The following TBK1 variants were observed in gnomAD, a reference collection of about 807,000 sequenced individuals.
TBK1 encodes serine/threonine-protein kinase TBK1.
TBK1 carries 37 observed loss-of-function variants against 99.9 expected under a neutral mutation model. The ratio of observed to expected loss-of-function variants is 0.37; its 90% CI spans 0.28 to 0.49. The LOEUF is 0.49. Ranked by LOEUF, TBK1 falls within the 20% of genes least tolerant of loss-of-function variation. The probability of loss-of-function intolerance (pLI) is 0.98; values close to 1 mark genes in which losing one functional copy is unlikely to be tolerated. For missense variants in TBK1, 644 were observed against 872.5 expected (o/e 0.74, Z 3.30); for synonymous variants, 258 against 279.8 (o/e 0.92, Z 0.78).
At chr12:64,478,642 C>G (rs2040738215) in intron 6 of TBK1, among the ~76,000 whole-genome samples, 1 of 152,256 alleles carries the variant, frequency 6.6e-6, no homozygotes, top group South Asian at 2.1e-4. Flanking sequence ...TGTTTTCCAG[C>G]AAGGACAGTG....
intron 7 of TBK1, among the ~76,000 whole-genome samples, chr12:64,480,997 T>C (rs770172895): frequency 3.2e-4 from 49 of 152,178 alleles, no homozygotes; most frequent in Non-Finnish European, 5.1e-4. Context: ...GTTCCAATGC[T>C]GAAATCATTT....
chr12:64,475,851 A>G (rs1243652616), intron 6 of TBK1, among the ~76,000 whole-genome samples: 1 of 152,078 alleles, frequency 6.6e-6, no homozygotes, highest in Non-Finnish European at 1.5e-5. Context: ...TTTAGGTAGG[A>G]TGATTTATTT....
At chr12:64,462,794 G>A (rs2040560502) in intron 3 of TBK1, among the ~76,000 whole-genome samples, 1 of 152,124 alleles carries the variant, frequency 6.6e-6, no homozygotes, top group South Asian at 2.1e-4. Flanking sequence ...TATAATCATT[G>A]TGTATATATA....
intron 20 of TBK1, among the ~76,000 whole-genome samples, chr12:64,499,800 C>T (rs1283533590): frequency 2.1e-5 from 3 of 143,904 alleles, no homozygotes; most frequent in Non-Finnish European, 3.0e-5. Flanking sequence ...CGAGTTCAAG[C>T]GTTTCTCCTG....
rs764877969 is a variant in TBK1 at position 64,484,535 on chromosome 12, A to C, written c.1189+36A>C. 3 of 1,566,846 alleles carry C rather than the reference A, an allele frequency of 1.9e-6. No individual in the cohort carries two copies. The African/African-American group carries it at 4.1e-5, about 22-fold the overall frequency. ...ATTTTTCTTGTCGTTCTTACTAGCC[A>C]TTAGAAAAATACAGCCAGCCTGGGC... On this transcript the variant is annotated intron_variant, in intron 9 of 20. Transcript: ENST00000331710.
At chr12:64,483,662 T>C (rs184598363) in intron 8 of TBK1, among the ~76,000 whole-genome samples, 2 of 152,284 alleles carry the variant, frequency 1.3e-5, no homozygotes, top group Admixed American at 1.3e-4. Flanking sequence ...TGTATCTGAT[T>C]CAAGTCAGTG....
chr12:64,500,245 A>G (rs991301082), intron 20 of TBK1, among the ~76,000 whole-genome samples: 2 of 152,020 alleles, frequency 1.3e-5, no homozygotes, highest in Non-Finnish European at 2.9e-5. Context: ...TATCACTTCA[A>G]ATTTTTTTTT....
At chr12:64,457,881 A>C (rs937893615) in intron 2 of TBK1, among the ~76,000 whole-genome samples, 1 of 152,218 alleles carries the variant, frequency 6.6e-6, no homozygotes, top group African/African-American at 2.4e-5. Context: ...CTCCAAAGGA[A>C]ACAAATATGT....
At chr12:64,463,478 T>G (rs1030600087) in intron 3 of TBK1, among the ~76,000 whole-genome samples, 1 of 151,598 alleles carries the variant, frequency 6.6e-6, no homozygotes, top group Non-Finnish European at 1.5e-5. Flanking sequence ...GCAGGCAGAT[T>G]GCTTGAGCCC....
chr12:64,469,233 CTCAGACGTT>C (rs889478266), intron 5 of TBK1, among the ~76,000 whole-genome samples: 4 of 152,020 alleles, frequency 2.6e-5, no homozygotes, highest in Non-Finnish European at 5.9e-5. Flanking sequence ...AGAGGCAGGA[CTCAGACGTT>C]TCTGGCGAGT....
At chr12:64,492,956 T>A (rs1228013278) in intron 13 of TBK1, among the ~76,000 whole-genome samples, 1 of 145,422 alleles carries the variant, frequency 6.9e-6, no homozygotes, top group Non-Finnish European at 1.5e-5. Flanking sequence ...AGTGCAGTGG[T>A]ACAGTCTCGG....
intron 5 of TBK1, 46 bp downstream of exon 5, chr12:64,467,128 A>C: frequency 7.1e-7 from 1 of 1,409,018 alleles, no homozygotes. Context: ...AGCTTGATAT[A>C]TTGTAATTAT....
Position 64,497,667 on chromosome 12 carries a change from A to G in TBK1, c.1979A>G (p.Gln660Arg). The G allele has an allele frequency of 1.3e-6, 2 of 1,577,336 alleles. No homozygotes were observed. The highest frequency in any genetic ancestry group is 1.7e-6 in the Non-Finnish European group (2 of 1,167,714). Reference protein sequence around the residue: ...YTNELQETLPQKMFTASSGIK... With the variant: ...YTNELQETLPRKMFTASSGIK... ...TTTCAGTTACAAGAAACTCTGCCTC[A>G]GAAAATGTTTACAGCTTCCAGTGGA... The change falls in exon 19 of 21, where the codon CAG (glutamine) becomes CGG (arginine). Residue 660 changes from glutamine (Q) to arginine (R), a missense_variant. Transcript: ENST00000331710.
At chr12:64,454,940 G>A (rs1312984930) in intron 1 of TBK1, among the ~76,000 whole-genome samples, 1 of 150,014 alleles carries the variant, frequency 6.7e-6, no homozygotes, top group African/African-American at 2.5e-5. Flanking sequence ...GCCTCCCAAA[G>A]TGCTGGGATT....
rs1400499177 is a variant in TBK1 at position 64,456,649 on chromosome 12, G to T, written c.87+692G>T. 2.0e-5 allele frequency among the ~76,000 whole-genome samples: 3 copies of T among 152,006 alleles called. No individual in the cohort carries two copies. The East Asian group carries it at 5.8e-4, about 29-fold the overall frequency. On this transcript the variant is annotated intron_variant, in intron 2 of 20. Coordinates refer to ENST00000331710, the MANE Select transcript of TBK1 (RefSeq NM_013254.4). ...AGGTCAGGAGATCGAGACCATCCTG[G>T]CTAACACGGTGAAACCCCGTCTCTA...
chr12:64,494,164 A>G (rs1480968796), intron 13 of TBK1, among the ~76,000 whole-genome samples: 1 of 152,118 alleles, frequency 6.6e-6, no homozygotes, highest in African/African-American at 2.4e-5. Context: ...TATATATTTG[A>G]TCATATAAAA....
chr12:64,495,663 T>G lies in TBK1; in HGVS notation c.1644-36T>G, dbSNP rs1263473036. 1.9e-6 allele frequency: 3 copies of G among 1,612,474 alleles called. No individual in the cohort carries two copies. In the Admixed American group the frequency reaches 5.0e-5, roughly 27 times the overall value. On this transcript the variant is annotated intron_variant, in intron 14 of 20. Transcript: ENST00000331710. Reference sequence around the variant, plus strand: ...TATTAATGTCCTTTTTCACATTGACTCAGTTAATTTATTTGAGTTTTTCTT... The same window carrying G: ...TATTAATGTCCTTTTTCACATTGACGCAGTTAATTTATTTGAGTTTTTCTT...
intron 1 of TBK1, among the ~76,000 whole-genome samples, chr12:64,454,878 C>T (rs1291121675): frequency 6.6e-6 from 1 of 151,212 alleles, no homozygotes; most frequent in Non-Finnish European, 1.5e-5. Context: ...GGGGTTTCAC[C>T]ATGTTATCCA....
chr12:64,458,600 A>AT (rs1266058849), intron 2 of TBK1, among the ~76,000 whole-genome samples: 1 of 152,078 alleles, frequency 6.6e-6, no homozygotes, highest in Non-Finnish European at 1.5e-5. Context: ...GAATAAAGGG[A>AT]AAATAGTACG....
Sources: allele counts gnomAD v4.1 joint callset (sites outside exome capture counted in the v4.1 genomes callset), GRCh38; gene constraint gnomAD v4.1.1; transcripts MANE v1.5; gene names NCBI Gene and HGNC (gene_info 2026-07-23, HGNC 2026-07-21).